Variants in GZMK observed in about 807,000 individuals in gnomAD.
The protein encoded by GZMK is granzyme K, also known as NK-Tryp-2.
Under a neutral mutation model 22.8 loss-of-function variants are expected in GZMK, and 18 were observed. The ratio of observed to expected loss-of-function variants is 0.79; its 90% CI spans 0.54 to 1.17. The LOEUF (loss-of-function observed/expected upper bound fraction) is 1.17. Among genes scored for constraint, GZMK ranks in the 50% most tolerant of loss-of-function variants. The probability of loss-of-function intolerance (pLI) is 0.00; values close to 1 mark genes in which losing one functional copy is unlikely to be tolerated. For synonymous variants in GZMK, 136 were observed against 115.0 expected (o/e 1.18, Z -1.17); for missense variants, 342 against 320.2 (o/e 1.07, Z -0.52).
intron 4 of GZMK, among the ~76,000 whole-genome samples, chr5:55,032,315 T>C (rs1309839733): frequency 6.6e-6 from 1 of 152,290 alleles, no homozygotes; most frequent in East Asian, 1.9e-4. Context: ...CATGAAGCCT[T>C]CACCTCCATG....
At chr5:55,028,534 T>G (rs1741171879) in intron 2 of GZMK, 2 of 117,502 alleles carry the variant, frequency 1.7e-5, no homozygotes, top group Admixed American at 1.8e-4. Flanking sequence ...GCAAACCCAC[T>G]CTACCACAGG....
rs982831416 is a variant in GZMK at position 55,034,130 on chromosome 5, C to T, written c.*204C>T. ...TTTATTCTAAATAAAATTTAGAAGA[C>T]TCTCTGTTTGTCTTTTATCACATGA... On this transcript the variant is annotated 3_prime_UTR_variant, in exon 5 of 5. Transcript: ENST00000231009. The T allele has an allele frequency of 4.7e-5, 24 of 509,158 alleles. No individual in the cohort carries two copies. Among genetic ancestry groups the T allele is most frequent in the Non-Finnish European group, 7.2e-5 (21 of 291,602 alleles). The allele number at this position is 509,158 out of a possible 1,614,324, so 31.5% of individuals were successfully genotyped here.
Position 55,030,515 on chromosome 5 carries a change from G to A in GZMK, c.294G>A (p.Glu98=). 6.2e-7 allele frequency: 1 copy of A among 1,612,344 alleles called. No homozygotes were observed. The highest frequency in any genetic ancestry group is 8.5e-7 in the Non-Finnish European group (1 of 1,178,374). The change falls in exon 3 of 5, where the codon GAG becomes GAA. Residue 98 remains glutamate, a synonymous_variant. Coordinates refer to ENST00000231009, the MANE Select transcript of GZMK (RefSeq NM_002104.3). ...SKNEASKQTL[E]IKKFIPFSRV... ...ATGAGGCCTCCAAACAAACACTGGA[G>A]ATCAAAAAATTTATACCATTCTCAA...
chr5:55,033,692 G>T, intron 4 of GZMK, 73 bp from the exon 5 acceptor site: 2 of 1,059,658 alleles, frequency 1.9e-6, no homozygotes, highest in Non-Finnish European at 2.8e-6. Flanking sequence ...TGAGCAATCA[G>T]CAGTTGGTGG....
intron 2 of GZMK, among the ~76,000 whole-genome samples, chr5:55,029,228 CCTT>C (rs1935008712): frequency 6.6e-6 from 1 of 151,616 alleles, no homozygotes; most frequent in South Asian, 2.1e-4. Context: ...GAGCAAGACT[CCTT>C]CTCAAAAAAA....
intron 4 of GZMK, 126 bp from the exon 5 acceptor site, chr5:55,033,639 T>A: frequency 1.5e-6 from 1 of 651,596 alleles, no homozygotes; most frequent in South Asian, 2.2e-5. Context: ...TGTCAGACAC[T>A]CTTCTGGACA....
intron 3 of GZMK, among the ~76,000 whole-genome samples, chr5:55,030,939 C>T (rs1193585504): frequency 1.3e-5 from 2 of 152,202 alleles, no homozygotes; most frequent in African/African-American, 4.8e-5. Flanking sequence ...CAGAGCCAAC[C>T]AAGTGACTTC....
intron 2 of GZMK, among the ~76,000 whole-genome samples, chr5:55,029,116 T>A (rs1349612214): frequency 6.6e-6 from 1 of 152,152 alleles, no homozygotes; most frequent in Admixed American, 6.5e-5. Context: ...AAGCCTGTAG[T>A]CCCAGCCTCT....
At chr5:55,026,396 T>C (rs774848099) in intron 2 of GZMK, among the ~76,000 whole-genome samples, 2 of 145,994 alleles carry the variant, frequency 1.4e-5, no homozygotes, top group Non-Finnish European at 3.0e-5. Context: ...TGGAGAGAGG[T>C]CTTGGAGTTT....
In GZMK at chr5:55,024,393, A is replaced by G. The variant is rs1741111703; in HGVS notation, c.64+7A>G. The G allele has an allele frequency of 1.2e-5, 15 of 1,220,550 alleles. No homozygotes were observed. The highest frequency in any genetic ancestry group is 1.7e-5 in the Non-Finnish European group (14 of 826,750). The allele number at this position is 1,220,550 out of a possible 1,614,324, so 75.6% of individuals were successfully genotyped here. ...GCTTATATGACTCATGTGTGTAAGTATCTCCTATATCTACATGTAAACATT... is the reference window on the plus strand; with the variant it reads ...GCTTATATGACTCATGTGTGTAAGTGTCTCCTATATCTACATGTAAACATT... On this transcript the variant is annotated splice_region_variant and intron_variant, in intron 1 of 4. Transcript: ENST00000231009.
chr5:55,032,419 C>G (rs1741248779), intron 4 of GZMK: 1 of 152,270 alleles, frequency 6.6e-6, no homozygotes, highest in Non-Finnish European at 1.5e-5. Flanking sequence ...GACTTTCAGA[C>G]CATACCACTG....
chr5:55,024,775 G>A lies in GZMK; in HGVS notation c.180G>A (p.Gln60=). The change falls in exon 2 of 5, where the codon CAG becomes CAA. Residue 60 remains glutamine, a synonymous_variant. Coordinates refer to ENST00000231009, the MANE Select transcript of GZMK (RefSeq NM_002104.3). ...HVCGGVLIDP[Q]WVLTAAHCQY... ...GTGGAGGTGTTCTGATTGATCCACA[G>A]TGGGTGCTGACAGCAGCCCACTGCC... The A allele has an allele frequency of 6.2e-7, 1 of 1,610,696 alleles. No homozygotes were observed. Among genetic ancestry groups the A allele is most frequent in the Non-Finnish European group, 8.5e-7 (1 of 1,177,406 alleles).
At chr5:55,024,474 T>G in intron 1 of GZMK, 88 bp downstream of exon 1, 1 of 807,094 alleles carries the variant, frequency 1.2e-6, no homozygotes, top group Non-Finnish European at 2.1e-6. Context: ...ATTTTCACAA[T>G]CATTCCTATC....
At position 55,024,480 on chromosome 5, in the gene GZMK, CTA is replaced by C. The variant is rs923041636; in HGVS notation, c.64+96_64+97del. On this transcript the variant is annotated intron_variant, in intron 1 of 4. Transcript: ENST00000231009. The stretch of plus-strand genomic sequence containing the variant: ...ATGAAAATTATTTTCACAATCATTC[CTA>C]TCTTTCTGAACTGTAATGTATTATA... The C allele has an allele frequency of 3.0e-5, 24 of 798,074 alleles. No individual in the cohort carries two copies. The Admixed American group carries it at 5.6e-4, about 19-fold the overall frequency. 49.4% of individuals were successfully genotyped at this position (798,074 alleles called of 1,614,324 possible). A position where few individuals can be genotyped will look rare whatever the true frequency, so the allele number is the denominator to read the frequency against.
chr5:55,034,034 T>G lies in GZMK; in HGVS notation c.*108T>G. On this transcript the variant is annotated 3_prime_UTR_variant, in exon 5 of 5. Transcript: ENST00000231009. ...GCACATATGGGGTCCATTTTTGCAC[T>G]TGTAAGTCATTTTATTAAGGAATCA... The G allele has an allele frequency of 1.5e-6, 1 of 662,888 alleles. No homozygotes were observed. Among genetic ancestry groups the G allele is most frequent in the Admixed American group, 3.2e-5 (1 of 31,018 alleles). The allele number at this position is 662,888 out of a possible 1,614,324, so 41.1% of individuals were successfully genotyped here.
At chr5:55,030,615 T>G in intron 3 of GZMK, 31 bp downstream of exon 3, 1 of 1,574,178 alleles carries the variant, frequency 6.4e-7, no homozygotes, top group Non-Finnish European at 8.7e-7. Flanking sequence ...CCTTCTATTT[T>G]GTCAACATTT....
At position 55,033,949 on chromosome 5, in the gene GZMK, G is replaced by A. The variant is rs768113526; in HGVS notation, c.*23G>A. 18 of 1,592,998 alleles carry A rather than the reference G, an allele frequency of 1.1e-5. No individual in the cohort carries two copies. The highest frequency in any genetic ancestry group is 1.5e-5 in the Non-Finnish European group (18 of 1,168,618). On this transcript the variant is annotated 3_prime_UTR_variant, in exon 5 of 5. Transcript: ENST00000231009. ...TAAGTTACAAATAATTTTATTGGAT[G>A]CACTTGCTTCTTTTTTCCTAATATG...
intron 3 of GZMK, 92 bp from the exon 4 acceptor site, chr5:55,031,272 G>A (rs140825158): frequency 2.0e-5 from 22 of 1,080,372 alleles, no homozygotes; most frequent in African/African-American, 3.1e-5. Context: ...AGGGACGCCC[G>A]CCTAAGACAG....
rs571208767 is a variant in GZMK at position 55,024,293 on chromosome 5, A to C, written c.-30A>C. 2 of 1,047,710 alleles carry C rather than the reference A, an allele frequency of 1.9e-6. No individual in the cohort carries two copies. Among genetic ancestry groups the C allele is most frequent in the Non-Finnish European group, 3.0e-6 (2 of 667,580 alleles). 64.9% of individuals were successfully genotyped at this position (1,047,710 alleles called of 1,614,324 possible). ...CTTCATCACAGGATCAACACATTTC[A>C]TCTGGGCTTCTTAAATCTAAATCTT... is the stretch of plus-strand genomic sequence containing the variant. On this transcript the variant is annotated 5_prime_UTR_variant, in exon 1 of 5. Coordinates refer to ENST00000231009, the MANE Select transcript of GZMK (RefSeq NM_002104.3).
Sources: allele counts gnomAD v4.1 joint callset (sites outside exome capture counted in the v4.1 genomes callset), GRCh38; gene constraint gnomAD v4.1.1; transcripts MANE v1.5; gene names NCBI Gene and HGNC (gene_info 2026-07-23, HGNC 2026-07-21).